MINAR1: variants seen among roughly 807,000 people sequenced by gnomAD.
The protein encoded by MINAR1 is membrane integral NOTCH2 associated receptor 1.
In MINAR1, 40 loss-of-function variants were observed where a neutral mutation model predicts 65.1. The ratio of observed to expected loss-of-function variants is 0.61; its 90% CI spans 0.48 to 0.80. MINAR1 has a LOEUF of 0.80. MINAR1 is among the 30% of genes least tolerant of loss of function. MINAR1 has a pLI of 0.00. For missense variants in MINAR1, 1,128 were observed against 1,148.0 expected, an observed-to-expected ratio of 0.98 and a Z score of 0.25; for synonymous variants, 482 against 449.1, an observed-to-expected ratio of 1.07 and a Z score of -0.93.
intron 1 of MINAR1, among the ~76,000 whole-genome samples, chr15:79,447,849 T>A (rs1479298716): frequency 6.6e-6 from 1 of 152,212 alleles, no homozygotes; most frequent in Non-Finnish European, 1.5e-5. Flanking sequence ...CAAGTGTCCT[T>A]GTTTACTGTG....
intron 1 of MINAR1, among the ~76,000 whole-genome samples, chr15:79,454,649 T>C (rs1003877620): frequency 6.6e-6 from 1 of 152,246 alleles, no homozygotes. Flanking sequence ...TGTAGTGTTT[T>C]TGTTCAATTT....
At chr15:79,411,671 C>A in the MINAR1 span, 3 of 584,500 alleles carry the variant, frequency 5.1e-6, no homozygotes, top group Non-Finnish European at 9.3e-6. Context: ...ACAACCTGCT[C>A]TCACCACAGG....
Position 79,456,283 on chromosome 15 carries a change from C to T in MINAR1, c.136C>T (p.Leu46=), listed in dbSNP as rs1567057151. Residue 46 remains leucine (L), a synonymous_variant, in exon 2 of 4, where the codon CTG becomes TTG. Coordinates refer to ENST00000305428, the MANE Select transcript of MINAR1 (RefSeq NM_015206.3). The stretch of plus-strand genomic sequence containing the variant: ...GTTCGACCTGTCGCAGCTTGCCAAA[C>T]TGAGAAGTGTGCTCTTCTACACAGC... ...ARFDLSQLAK[L]RSVLFYTACL... The T allele has an allele frequency of 6.2e-7, 1 of 1,614,188 alleles. No individual in the cohort carries two copies. Among genetic ancestry groups the T allele is most frequent in the Admixed American group, 1.7e-5 (1 of 60,028 alleles).
chr15:79,463,213 G>T lies in MINAR1; in HGVS notation c.2445G>T (p.Met815Ile). 6.2e-7 allele frequency: 1 copy of T among 1,614,232 alleles called. No homozygotes were observed. The highest frequency in any genetic ancestry group is 8.5e-7 in the Non-Finnish European group (1 of 1,180,050). The change falls in exon 3 of 4, where the codon ATG (methionine) becomes ATT (isoleucine). Residue 815 changes from methionine (M) to isoleucine (I), a missense_variant. By Grantham distance (10) the Met-to-Ile change is conservative (BLOSUM62 1). Coordinates refer to ENST00000305428, the MANE Select transcript of MINAR1 (RefSeq NM_015206.3). The stretch of plus-strand genomic sequence containing the variant: ...AGAGCAACCCCCTGTACACAGACAT[G>T]CGGCTGACCGAGTTGGCCGAGGTGA... ...HMKSNPLYTD[M>I]RLTELAEVKR...
intron 2 of MINAR1, among the ~76,000 whole-genome samples, chr15:79,459,426 TA>T (rs1895568807): frequency 6.6e-6 from 1 of 152,336 alleles, no homozygotes; most frequent in African/African-American, 2.4e-5. Context: ...GGTTTGTTTC[TA>T]TGGGACCTGT....
rs2297773 is a variant in MINAR1, at chr15:79,463,262, A to G, written c.2494A>G (p.Ile832Val). The G allele has an allele frequency of 0.21, 336,503 of 1,614,042 alleles. 38,221 individuals carry two copies. The highest frequency in any genetic ancestry group is 0.44 in the African/African-American group (32,618 of 74,982). Reference protein sequence around the residue: ...EVKRGQPSWTIEEYARNAGDK... With the variant: ...EVKRGQPSWTVEEYARNAGDK... ...GAAGCGGGGCCAACCTTCTTGGACC[A>G]TTGAGGAGTATGCACGGAATGCGGG... The change falls in exon 3 of 4, where the codon ATT becomes GTT. Residue 832 changes from isoleucine (I) to valine (V), a missense_variant. Transcript: ENST00000305428.
At chr15:79,441,813 G>A (rs921207418) in intron 1 of MINAR1, among the ~76,000 whole-genome samples, 10 of 151,762 alleles carry the variant, frequency 6.6e-5, no homozygotes, top group Non-Finnish European at 2.9e-5. Context: ...TTAGTCTTTA[G>A]TACTTTTCCA....
In MINAR1 at chr15:79,457,015, A is replaced by G; in HGVS notation, c.868A>G (p.Ser290Gly). The part of the protein sequence containing the change: ...KAENEHREPQ[S>G]RKEPHKPPFF... The stretch of plus-strand genomic sequence containing the variant: ...AGAGAATGAGCACAGGGAACCCCAG[A>G]GTCGAAAGGAACCCCACAAGCCACC... Residue 290 changes from serine (S) to glycine (G), a missense_variant, in exon 2 of 4, where the codon AGT becomes GGT. Physicochemically the swap from Ser to Gly is moderately conservative, Grantham distance 56 (BLOSUM62 0). Transcript: ENST00000305428. 1.2e-6 allele frequency: 2 copies of G among 1,614,036 alleles called. No individual in the cohort carries two copies. The highest frequency in any genetic ancestry group is 1.7e-6 in the Non-Finnish European group (2 of 1,179,964).
At chr15:79,430,002 G>A (rs1175209653), upstream of MINAR1, among the ~76,000 whole-genome samples, 1 of 152,158 alleles carries the variant, frequency 6.6e-6, no homozygotes, top group Non-Finnish European at 1.5e-5. Context: ...GCTTGAATGA[G>A]GGCTTCTGGG....
upstream of MINAR1, among the ~76,000 whole-genome samples, chr15:79,431,390 T>C (rs1421690601): frequency 1.3e-5 from 2 of 152,046 alleles, no homozygotes; most frequent in Non-Finnish European, 2.9e-5. Context: ...TCGGCTCCAC[T>C]CCAGCACACA....
At chr15:79,450,803 T>C (rs1476290326) in intron 1 of MINAR1, among the ~76,000 whole-genome samples, 1 of 152,230 alleles carries the variant, frequency 6.6e-6, no homozygotes, top group African/African-American at 2.4e-5. Context: ...ATACTCCTTT[T>C]TTATAACCTG....
At chr15:79,440,626 C>G (rs937161011) in intron 1 of MINAR1, among the ~76,000 whole-genome samples, 1 of 152,110 alleles carries the variant, frequency 6.6e-6, no homozygotes, top group African/African-American at 2.4e-5. Context: ...TCTGCTCTTC[C>G]GGTTCCCTCT....
Position 79,463,634 on chromosome 15 carries a change from T to G in MINAR1, c.2553+313T>G, listed in dbSNP as rs1000465613. On this transcript the variant is annotated intron_variant, in intron 3 of 3. Transcript: ENST00000305428. ...ACCAAGTGCAGATTCTAATATTTGC[T>G]CACAAGACCTGAGCCAAACTGTTTA... The G allele has an allele frequency of 8.7e-6, 5 of 572,194 alleles. No homozygotes were observed. In the African/African-American group the frequency reaches 9.2e-5, roughly 11 times the overall value. 35.4% of individuals were successfully genotyped at this position (572,194 alleles called of 1,614,324 possible). A position where few individuals can be genotyped will look rare whatever the true frequency, so the allele number is the denominator to read the frequency against.
At chr15:79,444,401 T>C (rs1177171368) in intron 1 of MINAR1, among the ~76,000 whole-genome samples, 2 of 152,214 alleles carry the variant, frequency 1.3e-5, no homozygotes, top group Admixed American at 1.3e-4. Context: ...TAGGTTTCAT[T>C]GATGGTAATG....
At chr15:79,446,664 G>C (rs910098458) in intron 1 of MINAR1, among the ~76,000 whole-genome samples, 11 of 151,898 alleles carry the variant, frequency 7.2e-5, no homozygotes, top group Admixed American at 5.2e-4. Flanking sequence ...AGGTATCTAA[G>C]GGTGAGTTCA....
At position 79,453,211 on chromosome 15, in the gene MINAR1, T is replaced by A. The variant is rs78143746; in HGVS notation, c.-50-2887T>A. On this transcript the variant is annotated intron_variant, in intron 1 of 3. Transcript: ENST00000305428. ...AATCATGTAAGGCCTCAGCACATAG[T>A]AGGTGGTCAGTCCACAGTGGCTCTT... Among the ~76,000 whole-genome samples the A allele has an allele frequency of 0.013, 1,963 of 152,134 alleles. 226 individuals are homozygous for A. The East Asian group carries it at 0.28, about 22-fold the overall frequency.
chr15:79,452,048 A>ATG (rs1018655379), intron 1 of MINAR1, among the ~76,000 whole-genome samples: 1 of 151,970 alleles, frequency 6.6e-6, no homozygotes, highest in Non-Finnish European at 1.5e-5. Flanking sequence ...GTGTTTGTGA[A>ATG]TGTGTGTGTG....
rs1174075670 is a variant in MINAR1, at chr15:79,456,268, T to C, written c.121T>C (p.Ser41Pro). Residue 41 changes from serine to proline, a missense_variant, in exon 2 of 4, where the codon TCG becomes CCG. Ser to Pro is a moderately conservative substitution (Grantham distance 74). Coordinates refer to ENST00000305428, the MANE Select transcript of MINAR1 (RefSeq NM_015206.3). ...CKSLCARFDLSQLAKLRSVLF... is the reference protein window; with the variant it reads ...CKSLCARFDLPQLAKLRSVLF... ...ATCTCTCTGTGCCCGGTTCGACCTGTCGCAGCTTGCCAAACTGAGAAGTGT... is the reference window on the plus strand; with the variant it reads ...ATCTCTCTGTGCCCGGTTCGACCTGCCGCAGCTTGCCAAACTGAGAAGTGT... The C allele has an allele frequency of 3.1e-6, 5 of 1,614,186 alleles. 1 individual carries two copies. In the South Asian group the frequency reaches 5.5e-5, roughly 18 times the overall value.
At chr15:79,460,108 G>A (rs1567060304) in intron 2 of MINAR1, among the ~76,000 whole-genome samples, 2 of 152,160 alleles carry the variant, frequency 1.3e-5, no homozygotes, top group Non-Finnish European at 1.5e-5. Context: ...AGTCAGATCC[G>A]CTCGATAGGT....
Sources: gnomAD v4.1 joint callset for allele counts (sites outside exome capture counted in the v4.1 genomes callset) on GRCh38, gnomAD v4.1.1 for gene constraint, MANE v1.5 for transcripts, NCBI Gene and HGNC (gene_info 2026-07-23, HGNC 2026-07-21) for gene names.